The following NELL1 variants were observed in gnomAD, a reference collection of about 807,000 sequenced individuals.
NELL1 encodes the protein protein kinase C-binding protein NELL1.
NELL1 carries 76 observed loss-of-function variants against 107.4 expected under a neutral mutation model. The ratio of observed to expected loss-of-function variants is 0.71; its 90% CI spans 0.59 to 0.86. NELL1 has a LOEUF of 0.86. NELL1 is among the 40% of genes least tolerant of loss of function. NELL1 has a pLI of 0.00. For missense variants in NELL1, 1,024 were observed against 1,005.5 expected, an observed-to-expected ratio of 1.02 and a Z score of -0.25; for synonymous variants, 353 against 341.2, an observed-to-expected ratio of 1.03 and a Z score of -0.38.
At chr11:21,488,588 TCAG>T (rs1464509069) in intron 15 of NELL1, among the ~76,000 whole-genome samples, 3 of 152,108 alleles carry the variant, frequency 2.0e-5, no homozygotes, top group African/African-American at 7.2e-5. Flanking sequence ...GTGGCAGCAG[TCAG>T]CAGACCACAG....
chr11:21,319,719 G>T (rs1849967049), intron 14 of NELL1, among the ~76,000 whole-genome samples: 2 of 151,710 alleles, frequency 1.3e-5, no homozygotes, highest in African/African-American at 4.9e-5. Context: ...GGAGGCCGAG[G>T]CAGGTGGATC....
chr11:21,225,812 C>T (rs1029558561), intron 13 of NELL1, among the ~76,000 whole-genome samples: 6 of 152,128 alleles, frequency 3.9e-5, no homozygotes, highest in African/African-American at 1.4e-4. Context: ...GAGCACTTAC[C>T]AGCTGTAACA....
chr11:21,056,283 C>A (rs920887962), intron 12 of NELL1, among the ~76,000 whole-genome samples: 4 of 152,152 alleles, frequency 2.6e-5, no homozygotes, highest in African/African-American at 9.7e-5. Flanking sequence ...ATCGTATTAT[C>A]CATGGCATTA....
chr11:20,726,749 C>G (rs1268142264), intron 2 of NELL1, among the ~76,000 whole-genome samples: 1 of 151,590 alleles, frequency 6.6e-6, no homozygotes, highest in East Asian at 1.9e-4. Flanking sequence ...CTCCCCCATC[C>G]CCCCACCCCA....
chr11:20,712,147 TA>T (rs1221935928), intron 2 of NELL1, among the ~76,000 whole-genome samples: 1 of 152,114 alleles, frequency 6.6e-6, no homozygotes, highest in Non-Finnish European at 1.5e-5. Flanking sequence ...GTTAATTTTT[TA>T]AAAATTATTT....
intron 14 of NELL1, among the ~76,000 whole-genome samples, chr11:21,317,280 G>C (rs1450303010): frequency 2.0e-5 from 3 of 151,626 alleles, no homozygotes; most frequent in Non-Finnish European, 4.4e-5. Flanking sequence ...TGAAGTAAAG[G>C]ACTGTTTCTA....
chr11:21,229,634 T>C (rs1352468172), intron 14 of NELL1, among the ~76,000 whole-genome samples, 180 bp downstream of exon 14: 2 of 152,186 alleles, frequency 1.3e-5, no homozygotes, highest in Non-Finnish European at 2.9e-5. Context: ...AGGTTTAGCT[T>C]TGGAGTTGAA....
intron 14 of NELL1, among the ~76,000 whole-genome samples, chr11:21,248,177 T>C (rs1047895201): frequency 2.0e-5 from 3 of 151,902 alleles, no homozygotes; most frequent in Non-Finnish European, 2.9e-5. Context: ...AAACTCCATC[T>C]CTACCAAAAT....
At chr11:21,177,607 G>T (rs1204547305) in intron 13 of NELL1, among the ~76,000 whole-genome samples, 3 of 151,778 alleles carry the variant, frequency 2.0e-5, no homozygotes, top group Admixed American at 6.6e-5. Flanking sequence ...TTGACATAAT[G>T]ATTTCAATTC....
At chr11:21,498,282 G>T (rs961405487) in intron 15 of NELL1, among the ~76,000 whole-genome samples, 13 of 148,494 alleles carry the variant, frequency 8.8e-5, no homozygotes, top group Non-Finnish European at 1.9e-4. Flanking sequence ...AAATTGACAT[G>T]CCTCCATTTC....
rs939105550 is a variant in NELL1 at position 21,430,950 on chromosome 11, G to A, written c.1645+60002G>A. ...TATAATTATGGTCTAGAATATAGTA[G>A]ATATTCAATAAATTTTAAAACAAGC... On this transcript the variant is annotated intron_variant, in intron 15 of 19. Transcript: ENST00000357134. 2.8e-4 allele frequency among the ~76,000 whole-genome samples: 42 copies of A among 151,940 alleles called. 1 individual carries two copies.
intron 15 of NELL1, among the ~76,000 whole-genome samples, chr11:21,518,283 T>G (rs902755677): frequency 2.0e-5 from 3 of 152,172 alleles, no homozygotes; most frequent in Non-Finnish European, 4.4e-5. Flanking sequence ...TGAAAGAATT[T>G]TTCTCTGGGT....
chr11:20,707,965 A>G (rs1464652855), intron 2 of NELL1, among the ~76,000 whole-genome samples: 1 of 152,336 alleles, frequency 6.6e-6, no homozygotes, highest in Admixed American at 6.5e-5. Flanking sequence ...AGGGGCAGGC[A>G]GGCCTGCCTG....
chr11:20,975,755 ATAT>A (rs1174486045), intron 12 of NELL1, among the ~76,000 whole-genome samples: 1 of 128,572 alleles, frequency 7.8e-6, no homozygotes, highest in African/African-American at 3.1e-5. Context: ...TATAATATAC[ATAT>A]TATATATGTA....
intron 15 of NELL1, among the ~76,000 whole-genome samples, chr11:21,395,253 C>A (rs867514984): frequency 6.6e-6 from 1 of 151,432 alleles, no homozygotes; most frequent in Non-Finnish European, 1.5e-5. Context: ...CATATCTGCC[C>A]TCTCTTTGAA....
intron 13 of NELL1, among the ~76,000 whole-genome samples, chr11:21,117,543 G>A (rs942025260): frequency 2.6e-5 from 4 of 151,992 alleles, no homozygotes; most frequent in African/African-American, 9.7e-5. Context: ...TATAGTGAAC[G>A]TCAACTAATA....
intron 12 of NELL1, among the ~76,000 whole-genome samples, chr11:21,042,795 G>A (rs1379691119): frequency 6.6e-6 from 1 of 152,096 alleles, no homozygotes; most frequent in Admixed American, 6.6e-5. Flanking sequence ...ATTCCAAGCT[G>A]TGTGTTCCAG....
intron 16 of NELL1, among the ~76,000 whole-genome samples, chr11:21,535,571 G>C (rs1856115697): frequency 6.6e-6 from 1 of 152,142 alleles, no homozygotes; most frequent in Admixed American, 6.6e-5. Context: ...CATTATTGTT[G>C]AGAGGCATGC....
chr11:21,289,951 C>G (rs1849212908), intron 14 of NELL1, among the ~76,000 whole-genome samples: 1 of 152,188 alleles, frequency 6.6e-6, no homozygotes, highest in East Asian at 1.9e-4. Flanking sequence ...GATTCCTCCT[C>G]TCTGGGAGTA....
Sources: gnomAD v4.1 joint callset for allele counts (sites outside exome capture counted in the v4.1 genomes callset) on GRCh38, gnomAD v4.1.1 for gene constraint, MANE v1.5 for transcripts, NCBI Gene and HGNC (gene_info 2026-07-23, HGNC 2026-07-21) for gene names.